Variants in POLH observed in about 807,000 individuals in gnomAD.
The protein encoded by POLH is DNA polymerase eta transcript.
POLH carries 53 observed loss-of-function variants against 73.6 expected under a neutral mutation model. The ratio of observed to expected loss-of-function variants is 0.72; its 90% CI spans 0.58 to 0.91. POLH has a LOEUF of 0.91. Ranked by LOEUF, POLH falls within the 40% of genes least tolerant of loss-of-function variation. POLH has a pLI of 0.00. For missense variants in POLH, 768 were observed against 865.4 expected (o/e 0.89, Z 1.41); for synonymous variants, 292 against 308.5 (o/e 0.95, Z 0.56).
chr6:43,596,785 A>T (rs1766111697), intron 4 of POLH, among the ~76,000 whole-genome samples: 1 of 152,186 alleles, frequency 6.6e-6, no homozygotes, highest in Admixed American at 6.5e-5. Context: ...AGGGAGGTAG[A>T]GCTAAGGGAT....
intron 10 of POLH, among the ~76,000 whole-genome samples, chr6:43,612,052 G>A (rs1236172149): frequency 1.3e-5 from 2 of 151,870 alleles, no homozygotes; most frequent in Non-Finnish European, 2.9e-5. Flanking sequence ...GCGAAATTCC[G>A]TCTCCAACAA....
intron 1 of POLH, 39 bp from the exon 2 acceptor site, chr6:43,582,277 A>G (rs1422234785): frequency 6.3e-7 from 1 of 1,595,642 alleles, no homozygotes; most frequent in Non-Finnish European, 8.6e-7. Flanking sequence ...ATTTTGGATT[A>G]GGTGTTTTTC....
chr6:43,582,366 G>GT lies in POLH; in HGVS notation c.54dup (p.Val19CysfsTer14), dbSNP rs1308019449. 1 of 1,613,980 alleles carries GT rather than the reference G, an allele frequency of 6.2e-7. No individual in the cohort carries two copies. The highest frequency in any genetic ancestry group is 8.5e-7 in the Non-Finnish European group (1 of 1,179,882). On this transcript the variant is annotated frameshift_variant, in exon 2 of 11. Transcript: ENST00000372236. LOFTEE classifies it high-confidence loss of function. ...GTGGTTGCTCTCGTGGACATGGACT[G>GT]TTTTTTTGTTCAAGTGGAGCAGCGG...
rs770287953 is a variant in POLH at position 43,603,952 on chromosome 6, G to T, written c.825G>T (p.Met275Ile). The T allele has an allele frequency of 6.2e-7, 1 of 1,611,306 alleles. No individual in the cohort carries two copies. The highest frequency in any genetic ancestry group is 2.2e-5 in the East Asian group (1 of 44,848). ...TTGAGATCCTAGGGATAGAATACATGGGTGAACTGACCCAGTTCACTGAAT... is the reference window on the plus strand; with the variant it reads ...TTGAGATCCTAGGGATAGAATACATTGGTGAACTGACCCAGTTCACTGAAT... ...SVIEILGIEY[M>I]GELTQFTESQ... Residue 275 changes from methionine to isoleucine, a missense_variant, in exon 7 of 11, where the codon ATG becomes ATT. Met to Ile is a conservative substitution (Grantham distance 10, BLOSUM62 1). Coordinates refer to ENST00000372236, the MANE Select transcript of POLH (RefSeq NM_006502.3).
intron 3 of POLH, among the ~76,000 whole-genome samples, chr6:43,584,656 G>T (rs1764609412): frequency 6.6e-6 from 1 of 152,150 alleles, no homozygotes; most frequent in Non-Finnish European, 1.5e-5. Context: ...GATTCCACAT[G>T]TTGAGGGCTC....
chr6:43,607,750 G>A (rs542370700), intron 9 of POLH, among the ~76,000 whole-genome samples: 3 of 152,154 alleles, frequency 2.0e-5, no homozygotes, highest in Non-Finnish European at 4.4e-5. Flanking sequence ...CCATTCTAGT[G>A]GGTGTGAAAT....
chr6:43,607,791 C>A (rs745393180), intron 9 of POLH, among the ~76,000 whole-genome samples: 12 of 152,170 alleles, frequency 7.9e-5, no homozygotes, highest in Non-Finnish European at 1.5e-4. Context: ...CTTACATTCT[C>A]TGATAATCTT....
intron 1 of POLH, among the ~76,000 whole-genome samples, chr6:43,578,166 C>G (rs1040931731): frequency 2.6e-5 from 4 of 151,686 alleles, no homozygotes; most frequent in African/African-American, 9.7e-5. Context: ...GTGGGTGGAT[C>G]GCCTAAGGTC....
intron 9 of POLH, among the ~76,000 whole-genome samples, chr6:43,608,692 C>T (rs1767560503): frequency 1.3e-5 from 2 of 152,186 alleles, no homozygotes; most frequent in African/African-American, 4.8e-5. Flanking sequence ...CTGTGCCTAG[C>T]CTTTTCTTCC....
Position 43,616,014 on chromosome 6 carries a change from C to T in POLH, c.*1457C>T, listed in dbSNP as rs947212419. Among the ~76,000 whole-genome samples, 21 of 152,166 alleles carry T rather than the reference C, an allele frequency of 1.4e-4. No homozygotes were observed. The East Asian group carries it at 2.1e-3, about 16-fold the overall frequency. ...TTAAGAAAAACTTCTCTTGGCCGGG[C>T]GCAGTGGCTCACGCCTGCAATCCCA... On this transcript the variant is annotated 3_prime_UTR_variant, in exon 11 of 11. Coordinates refer to ENST00000372236, the MANE Select transcript of POLH (RefSeq NM_006502.3).
intron 5 of POLH, among the ~76,000 whole-genome samples, 163 bp from the exon 6 acceptor site, chr6:43,600,825 T>G (rs1393893621): frequency 6.6e-6 from 1 of 152,172 alleles, no homozygotes; most frequent in Non-Finnish European, 1.5e-5. Flanking sequence ...GGATACCAAG[T>G]TTTAGAGATG....
chr6:43,585,705 G>A (rs1764731140), intron 3 of POLH, among the ~76,000 whole-genome samples: 1 of 149,276 alleles, frequency 6.7e-6, no homozygotes, highest in African/African-American at 2.5e-5. Flanking sequence ...GGGTGCAATG[G>A]TGCAATCTCG....
chr6:43,604,102 CT>C, intron 7 of POLH, 91 bp downstream of exon 7: 1 of 1,051,860 alleles, frequency 9.5e-7, no homozygotes, highest in Non-Finnish European at 1.5e-6. Flanking sequence ...CCAGACCTAT[CT>C]TTAGGTTAAC....
chr6:43,588,359 T>G (rs1283435498), intron 4 of POLH: 2 of 135,936 alleles, frequency 1.5e-5, no homozygotes, highest in Non-Finnish European at 3.5e-5. Context: ...TTTCCTTCCT[T>G]CCTTCTTTCC....
At chr6:43,598,420 A>G (rs995469567) in intron 5 of POLH, among the ~76,000 whole-genome samples, 1 of 151,658 alleles carries the variant, frequency 6.6e-6, no homozygotes, top group Non-Finnish European at 1.5e-5. Flanking sequence ...TGAGGTCAGG[A>G]GTTCGAGACC....
rs147968005 is a variant in POLH at position 43,614,106 on chromosome 6, C to T, written c.1691C>T (p.Pro564Leu). 86 of 1,613,944 alleles carry T rather than the reference C, an allele frequency of 5.3e-5. No homozygotes were observed. Among genetic ancestry groups the T allele is most frequent in the Non-Finnish European group, 6.5e-5 (77 of 1,179,908 alleles). ...CCATGGTCCAACTGTAAAGCATTAC[C>T]AAACTCTTTACCAACAGAGTATCCA... ...QNPWSNCKAL[P>L]NSLPTEYPGC... Residue 564 changes from proline to leucine, a missense_variant, in exon 11 of 11, where the codon CCA becomes CTA. Physicochemically the swap from Pro to Leu is moderately conservative, Grantham distance 98 (BLOSUM62 -3). Coordinates refer to ENST00000372236, the MANE Select transcript of POLH (RefSeq NM_006502.3).
chr6:43,596,377 G>T (rs932081563), intron 4 of POLH, among the ~76,000 whole-genome samples: 3 of 152,008 alleles, frequency 2.0e-5, no homozygotes, highest in African/African-American at 7.2e-5. Context: ...CAGCTACTCG[G>T]GAGGCTGAGG....
chr6:43,580,992 G>A (rs1276689142), intron 1 of POLH, among the ~76,000 whole-genome samples: 47 of 120,436 alleles, frequency 3.9e-4, no homozygotes, highest in African/African-American at 1.7e-3. Flanking sequence ...GCGGGGGGCT[G>A]ACCCCCCCCC....
intron 9 of POLH, 100 bp downstream of exon 9, chr6:43,605,419 G>T: frequency 1.2e-5 from 7 of 604,100 alleles, no homozygotes; most frequent in Admixed American, 2.6e-5. Flanking sequence ...AAAAGTATTA[G>T]CATAGGAAAT....
Sources: allele counts gnomAD v4.1 joint callset (sites outside exome capture counted in the v4.1 genomes callset), GRCh38; gene constraint gnomAD v4.1.1; transcripts MANE v1.5; gene names NCBI Gene and HGNC (gene_info 2026-07-23, HGNC 2026-07-21).